Variants in SND1 observed in about 807,000 individuals in gnomAD.
The protein encoded by SND1 is staphylococcal nuclease domain-containing protein 1.
In SND1, 38 loss-of-function variants were observed where a neutral mutation model predicts 121.7. The observed-to-expected ratio is 0.31, with a 90% confidence interval of 0.24 to 0.41. The LOEUF (loss-of-function observed/expected upper bound fraction) is 0.41, where lower values mean the gene tolerates loss of function less well. Ranked by LOEUF, SND1 falls within the 10% of genes least tolerant of loss-of-function variation. The pLI is 1.00. For missense variants in SND1, 868 were observed against 1,184.6 expected (o/e 0.73, Z 3.92); for synonymous variants, 401 against 447.4 (o/e 0.90, Z 1.31).
intron 14 of SND1, among the ~76,000 whole-genome samples, chr7:127,905,570 G>A (rs1298531228): frequency 6.6e-6 from 1 of 152,150 alleles, no homozygotes; most frequent in Non-Finnish European, 1.5e-5. Flanking sequence ...ATTCAAGTTG[G>A]AAAGGGAGGC....
At chr7:128,087,295 C>T (rs956829814) in intron 21 of SND1, among the ~76,000 whole-genome samples, 1 of 152,102 alleles carries the variant, frequency 6.6e-6, no homozygotes, top group Non-Finnish European at 1.5e-5. Flanking sequence ...AGCTGGATCC[C>T]AGGGGGCTTT....
At chr7:127,961,080 C>T (rs1357345821) in intron 15 of SND1, among the ~76,000 whole-genome samples, 2 of 152,210 alleles carry the variant, frequency 1.3e-5, no homozygotes, top group African/African-American at 4.8e-5. Context: ...TAATTAAATA[C>T]AGCCCTATCA....
intron 10 of SND1, among the ~76,000 whole-genome samples, chr7:127,738,293 T>C (rs529041599): frequency 4.0e-5 from 6 of 149,702 alleles, no homozygotes; most frequent in African/African-American, 1.5e-4. Context: ...TTTCTTTTTT[T>C]TTTTTTTTGA....
Position 128,086,995 on chromosome 7 carries a change from G to A in SND1, c.2362G>A (p.Val788Met). Residue 788 changes from valine (V) to methionine (M), a missense_variant, in exon 21 of 24, where the codon GTG becomes ATG. Val to Met is a conservative substitution (Grantham distance 21). Transcript: ENST00000354725. ...GTLSPAFSTR[V>M]LPAQATEYAF... ...CCTATCACCTGCCTTCAGCACTCGG[G>A]TGCTGCCAGCTCAAGCCACGGAGTA... is the stretch of plus-strand genomic sequence containing the variant. 2 of 1,614,226 alleles carry A rather than the reference G, an allele frequency of 1.2e-6. No individual in the cohort carries two copies. Among genetic ancestry groups the A allele is most frequent in the Non-Finnish European group, 1.7e-6 (2 of 1,180,050 alleles).
intron 10 of SND1, among the ~76,000 whole-genome samples, chr7:127,737,444 G>A (rs760463990): frequency 6.6e-5 from 10 of 152,132 alleles, no homozygotes; most frequent in African/African-American, 1.4e-4. Flanking sequence ...GTGTGGTGGC[G>A]GGCACCTGTA....
chr7:127,904,573 C>A, intron 13 of SND1, 174 bp from the exon 14 acceptor site: 1 of 451,680 alleles, frequency 2.2e-6, no homozygotes. Context: ...CTTTATAATC[C>A]CCCCTCCACC....
intron 10 of SND1, among the ~76,000 whole-genome samples, chr7:127,733,375 C>T (rs1368556610): frequency 1.3e-5 from 2 of 152,138 alleles, no homozygotes; most frequent in African/African-American, 2.4e-5. Context: ...CATCCCCATG[C>T]TTTGTATATC....
At chr7:127,850,788 A>G (rs1473521680) in intron 12 of SND1, among the ~76,000 whole-genome samples, 1 of 152,226 alleles carries the variant, frequency 6.6e-6, no homozygotes, top group Non-Finnish European at 1.5e-5. Flanking sequence ...AAGTGTGCCT[A>G]TCCATTCTGA....
At chr7:127,802,282 C>T (rs1798146753) in intron 10 of SND1, among the ~76,000 whole-genome samples, 1 of 152,152 alleles carries the variant, frequency 6.6e-6, no homozygotes, top group South Asian at 2.1e-4. Flanking sequence ...ACAGTTTAAA[C>T]CCATGTCATT....
chr7:127,693,775 G>A (rs748880954), intron 2 of SND1, among the ~76,000 whole-genome samples: 31 of 151,868 alleles, frequency 2.0e-4, no homozygotes, highest in Admixed American at 7.2e-4. Flanking sequence ...CTAATCATAC[G>A]CTCCTTGAAC....
intron 4 of SND1, 26 bp downstream of exon 4, chr7:127,698,979 C>G (rs779810113): frequency 1.3e-6 from 2 of 1,571,372 alleles, no homozygotes; most frequent in Middle Eastern, 3.4e-4. Flanking sequence ...TCCGCTGTCT[C>G]TCTGACAGCG....
intron 12 of SND1, among the ~76,000 whole-genome samples, chr7:127,868,557 G>A (rs573613924): frequency 3.9e-5 from 6 of 152,286 alleles, no homozygotes; most frequent in Admixed American, 6.5e-5. Context: ...GCTAAGGTCC[G>A]AAACACAGAT....
chr7:127,820,570 A>T (rs994703654), intron 11 of SND1, among the ~76,000 whole-genome samples: 2 of 152,238 alleles, frequency 1.3e-5, no homozygotes, highest in Non-Finnish European at 1.5e-5. Flanking sequence ...AGATAGATTT[A>T]TGATGTCTCA....
chr7:127,802,255 G>C (rs886755098), intron 10 of SND1, among the ~76,000 whole-genome samples: 3 of 152,186 alleles, frequency 2.0e-5, no homozygotes, highest in Admixed American at 6.5e-5. Context: ...AGAAAATCCA[G>C]ATGTAAGTGG....
intron 15 of SND1, among the ~76,000 whole-genome samples, chr7:127,936,155 C>T (rs960553618): frequency 2.6e-5 from 4 of 152,234 alleles, no homozygotes; most frequent in African/African-American, 9.6e-5. Context: ...TAAGCACCTG[C>T]CTTAGGCTTG....
At position 128,085,099 on chromosome 7, in the gene SND1, C is replaced by A. The variant is rs1431304590; in HGVS notation, c.2234+252C>A. On this transcript the variant is annotated intron_variant, in intron 19 of 23. Transcript: ENST00000354725. This position sits in a 1 kb window ranked among gnomAD's most constrained non-coding sequence, Gnocchi z 4.4. The stretch of plus-strand genomic sequence containing the variant: ...CCTGGGGGATTCCAGGGTGGGAGCC[C>A]TTGCTGGCTGGCTGGCTGGCCGGCC... Among the ~76,000 whole-genome samples the A allele has an allele frequency of 3.3e-5, 5 of 152,142 alleles. No individual in the cohort carries two copies. Among genetic ancestry groups the A allele is most frequent in the Non-Finnish European group, 1.5e-5 (1 of 68,010 alleles).
Position 127,815,298 on chromosome 7 carries a change from G to A in SND1, c.1242+7725G>A, listed in dbSNP as rs181538482. On this transcript the variant is annotated intron_variant, in intron 11 of 23. Transcript: ENST00000354725. Reference sequence around the variant, plus strand: ...AATTAAGTGATACTGGATTATGATGGACCCTAAATTCATTGACCAGTATCC... The same window carrying A: ...AATTAAGTGATACTGGATTATGATGAACCCTAAATTCATTGACCAGTATCC... Among the ~76,000 whole-genome samples, 5 of 152,072 alleles carry A rather than the reference G, an allele frequency of 3.3e-5. No individual in the cohort carries two copies. The East Asian group carries it at 7.7e-4, about 23-fold the overall frequency.
At chr7:127,681,192 T>C (rs1292979601) in intron 1 of SND1, among the ~76,000 whole-genome samples, 1 of 152,232 alleles carries the variant, frequency 6.6e-6, no homozygotes, top group East Asian at 1.9e-4. Context: ...TTAGCTATCC[T>C]AGTGGTGGTA....
intron 11 of SND1, among the ~76,000 whole-genome samples, chr7:127,814,729 T>G (rs1292897329): frequency 6.6e-6 from 1 of 152,130 alleles, no homozygotes; most frequent in Non-Finnish European, 1.5e-5. Flanking sequence ...TGGATCTCTT[T>G]TTGTTATGCT....
Sources: gnomAD v4.1 joint callset for allele counts (sites outside exome capture counted in the v4.1 genomes callset) on GRCh38, gnomAD v4.1.1 for gene constraint, Gnocchi (gnomAD v3.1) non-coding constraint, MANE v1.5 for transcripts, NCBI Gene and HGNC (gene_info 2026-07-23, HGNC 2026-07-21) for gene names.